The following IL15 variants were observed in gnomAD, a reference collection of about 807,000 sequenced individuals.
IL15 encodes the protein interleukin 15.
A neutral mutation model predicts 19.6 loss-of-function variants in IL15; 11 were observed. The ratio of observed to expected loss-of-function variants is 0.56; its 90% CI spans 0.35 to 0.93. IL15 has a LOEUF of 0.93. IL15 is among the 40% of genes least tolerant of loss of function. IL15 has a pLI of 0.01. For synonymous variants in IL15, 58 were observed against 59.6 expected (o/e 0.97, Z 0.12); for missense variants, 197 against 186.5 (o/e 1.06, Z -0.33).
At chr4:141,720,401 A>G in intron 3 of IL15, 68 bp from the exon 4 acceptor site, 1 of 780,572 alleles carries the variant, frequency 1.3e-6, no homozygotes, top group Non-Finnish European at 2.2e-6. Flanking sequence ...AAATATGTTG[A>G]CATGTTATTT....
At chr4:141,701,819 C>G (rs1374913389) in intron 2 of IL15, among the ~76,000 whole-genome samples, 3 of 152,206 alleles carry the variant, frequency 2.0e-5, no homozygotes, top group African/African-American at 7.2e-5. Context: ...AGCCTCACTC[C>G]TGTACCAGTG....
intron 4 of IL15, chr4:141,720,786 G>C: frequency 1.8e-6 from 1 of 566,410 alleles, no homozygotes; most frequent in Non-Finnish European, 3.1e-6. Flanking sequence ...AAGCATTATA[G>C]CCCTCAAATA....
intron 4 of IL15, chr4:141,720,776 A>G (rs1730049006): frequency 1.7e-6 from 1 of 582,450 alleles, no homozygotes; most frequent in Non-Finnish European, 3.0e-6. Flanking sequence ...TAGTCCAAAC[A>G]AGCATTATAG....
chr4:141,695,949 T>G (rs1036229021), intron 2 of IL15, among the ~76,000 whole-genome samples: 3 of 152,138 alleles, frequency 2.0e-5, no homozygotes, highest in Admixed American at 2.0e-4. Flanking sequence ...AGCTTTTTCA[T>G]TTGATATAAT....
intron 2 of IL15, among the ~76,000 whole-genome samples, chr4:141,714,145 A>G (rs556507915): frequency 6.6e-6 from 1 of 151,606 alleles, no homozygotes; most frequent in South Asian, 2.1e-4. Flanking sequence ...CTTTCTGCTC[A>G]TGTCTTTTTA....
chr4:141,706,758 T>C (rs1038877726), intron 2 of IL15, among the ~76,000 whole-genome samples: 8 of 152,078 alleles, frequency 5.3e-5, no homozygotes, highest in South Asian at 4.1e-4. Flanking sequence ...CATTCTCTCC[T>C]AGTCTGCTGA....
chr4:141,652,399 G>A (rs1727439047), intron 1 of IL15, among the ~76,000 whole-genome samples: 1 of 152,060 alleles, frequency 6.6e-6, no homozygotes, highest in African/African-American at 2.4e-5. Flanking sequence ...CCACATTAGA[G>A]CTCAGGAGTC....
intron 1 of IL15, among the ~76,000 whole-genome samples, chr4:141,640,819 T>C (rs911281711): frequency 2.0e-5 from 3 of 152,222 alleles, no homozygotes; most frequent in Admixed American, 6.5e-5. Flanking sequence ...CTCTAAATGC[T>C]AATAGTTCCT....
intron 2 of IL15, among the ~76,000 whole-genome samples, chr4:141,671,354 T>G (rs1728170008): frequency 6.6e-6 from 1 of 152,202 alleles, no homozygotes; most frequent in South Asian, 2.1e-4. Context: ...GATGACATAT[T>G]ATTGACTGAG....
At chr4:141,675,060 C>G (rs1432816297) in intron 2 of IL15, among the ~76,000 whole-genome samples, 1 of 151,780 alleles carries the variant, frequency 6.6e-6, no homozygotes, top group African/African-American at 2.4e-5. Flanking sequence ...ACTTGAACCT[C>G]GAACAACATG....
At chr4:141,704,818 A>T (rs1201273969) in intron 2 of IL15, among the ~76,000 whole-genome samples, 3 of 151,740 alleles carry the variant, frequency 2.0e-5, no homozygotes, top group Non-Finnish European at 4.4e-5. Flanking sequence ...GATAGGTCAT[A>T]TGTGTCCAGA....
At chr4:141,726,112 C>T (rs1296834233) in intron 5 of IL15, among the ~76,000 whole-genome samples, 1 of 152,068 alleles carries the variant, frequency 6.6e-6, no homozygotes, top group Non-Finnish European at 1.5e-5. Context: ...CTCTTAAAGC[C>T]CCACCTCTCA....
At chr4:141,640,671 C>G (rs148700110) in intron 1 of IL15, among the ~76,000 whole-genome samples, 14 of 152,256 alleles carry the variant, frequency 9.2e-5, no homozygotes, top group African/African-American at 3.1e-4. Flanking sequence ...TATTTGTCCA[C>G]ATTTCACATC....
chr4:141,713,527 C>G (rs1362404690), intron 2 of IL15, among the ~76,000 whole-genome samples: 1 of 152,196 alleles, frequency 6.6e-6, no homozygotes, highest in African/African-American at 2.4e-5. Flanking sequence ...ATCTGGCCCT[C>G]TACACAAAGT....
chr4:141,658,184 C>T (rs1727671179), intron 2 of IL15, among the ~76,000 whole-genome samples: 1 of 152,186 alleles, frequency 6.6e-6, no homozygotes, highest in African/African-American at 2.4e-5. Flanking sequence ...GCACCTCCCC[C>T]TGCTCTCTTT....
chr4:141,724,152 C>G (rs1350664861), intron 5 of IL15, among the ~76,000 whole-genome samples: 1 of 151,826 alleles, frequency 6.6e-6, no homozygotes, highest in Non-Finnish European at 1.5e-5. Context: ...AACCAGAAAT[C>G]AAGAAATTAA....
At chr4:141,728,982 C>T (rs1046781790) in intron 6 of IL15, among the ~76,000 whole-genome samples, 3 of 152,084 alleles carry the variant, frequency 2.0e-5, no homozygotes, top group African/African-American at 7.2e-5. Context: ...AAAACTGACT[C>T]CACCACTTTT....
At chr4:141,654,416 T>C (rs2152157700) in intron 1 of IL15, among the ~76,000 whole-genome samples, 1 of 152,346 alleles carries the variant, frequency 6.6e-6, no homozygotes, top group Non-Finnish European at 1.5e-5. Context: ...CTGTATAGAA[T>C]CTTCAAATTT....
At chr4:141,701,138 G>C (rs1202860264) in intron 2 of IL15, among the ~76,000 whole-genome samples, 2 of 152,060 alleles carry the variant, frequency 1.3e-5, no homozygotes, top group East Asian at 3.9e-4. Context: ...TCTTGGTTTG[G>C]ATCCATTGCT....
Sources: gnomAD v4.1 joint callset for allele counts (sites outside exome capture counted in the v4.1 genomes callset) on GRCh38, gnomAD v4.1.1 for gene constraint, MANE v1.5 for transcripts, NCBI Gene and HGNC (gene_info 2026-07-23, HGNC 2026-07-21) for gene names.